NCKAP5: variants seen among roughly 807,000 people sequenced by gnomAD.
The protein encoded by NCKAP5 is nck-associated protein 5.
Under a neutral mutation model 167.0 loss-of-function variants are expected in NCKAP5, and 92 were observed. That is an observed-to-expected ratio of 0.55 (90% CI 0.47 to 0.66). NCKAP5 has a LOEUF of 0.66. NCKAP5 is among the 30% of genes least tolerant of loss of function. NCKAP5 has a pLI of 0.00. For synonymous variants in NCKAP5, 891 were observed against 877.4 expected (o/e 1.02, Z -0.27); for missense variants, 2,378 against 2,315.0 (o/e 1.03, Z -0.56).
At chr2:132,690,906 C>G (rs1686649767) in intron 19 of NCKAP5, among the ~76,000 whole-genome samples, 1 of 152,174 alleles carries the variant, frequency 6.6e-6, no homozygotes, top group Non-Finnish European at 1.5e-5. Context: ...TTCCATTGGA[C>G]AGTCCAGCTT....
chr2:133,520,444 T>C (rs1684379020), intron 2 of NCKAP5, among the ~76,000 whole-genome samples: 1 of 152,234 alleles, frequency 6.6e-6, no homozygotes, highest in African/African-American at 2.4e-5. Context: ...CACTGCTTAC[T>C]CTATATGACA....
At chr2:133,664,846 ATCT>A in the NCKAP5 span, among the ~76,000 whole-genome samples, 2 of 152,134 alleles carry the variant, frequency 1.3e-5, no homozygotes, top group Admixed American at 6.5e-5. Flanking sequence ...TCTTAGCTAG[ATCT>A]TCTAGATAAC....
At chr2:132,778,330 CA>C (rs1682727501) in intron 15 of NCKAP5, among the ~76,000 whole-genome samples, 1 of 142,910 alleles carries the variant, frequency 7.0e-6, no homozygotes, top group Non-Finnish European at 1.6e-5. Flanking sequence ...TTAATTCAGA[CA>C]AACATTAATA....
At chr2:132,792,615 T>C (rs1684159939) in intron 12 of NCKAP5, among the ~76,000 whole-genome samples, 1 of 152,196 alleles carries the variant, frequency 6.6e-6, no homozygotes, top group Non-Finnish European at 1.5e-5. Flanking sequence ...CAGATGTGTC[T>C]ACTCTACAGA....
At chr2:133,059,551 T>C (rs1376914806) in intron 6 of NCKAP5, among the ~76,000 whole-genome samples, 3 of 151,856 alleles carry the variant, frequency 2.0e-5, no homozygotes, top group African/African-American at 4.8e-5. Context: ...CACATGCCTG[T>C]GGTCCCAGCT....
chr2:132,732,684 A>G (rs1691144462), intron 16 of NCKAP5, among the ~76,000 whole-genome samples: 1 of 152,210 alleles, frequency 6.6e-6, no homozygotes, highest in African/African-American at 2.4e-5. Flanking sequence ...TACAACTTCA[A>G]CCAATTAGGT....
At chr2:133,517,939 C>T (rs1194681150) in intron 2 of NCKAP5, among the ~76,000 whole-genome samples, 2 of 152,322 alleles carry the variant, frequency 1.3e-5, no homozygotes, top group African/African-American at 4.8e-5. Flanking sequence ...CACATAGATG[C>T]TGTCTGCAAA....
At chr2:133,216,281 T>G (rs1473879437) in intron 4 of NCKAP5, among the ~76,000 whole-genome samples, 2 of 152,088 alleles carry the variant, frequency 1.3e-5, no homozygotes, top group Non-Finnish European at 2.9e-5. Context: ...TTTTTTTCTT[T>G]TCTTGGTAAA....
intron 6 of NCKAP5, among the ~76,000 whole-genome samples, chr2:133,109,810 A>G (rs1011537299): frequency 1.3e-5 from 2 of 152,180 alleles, no homozygotes; most frequent in Non-Finnish European, 2.9e-5. Flanking sequence ...ATTTCCACTC[A>G]AATACATTAG....
intron 19 of NCKAP5, among the ~76,000 whole-genome samples, chr2:132,715,182 C>T (rs890701612): frequency 6.6e-6 from 1 of 152,186 alleles, no homozygotes; most frequent in African/African-American, 2.4e-5. Flanking sequence ...GAAAAGACTG[C>T]ACCTTGCTTT....
chr2:133,151,108 T>A (rs2083370289), intron 5 of NCKAP5, among the ~76,000 whole-genome samples: 1 of 152,192 alleles, frequency 6.6e-6, no homozygotes, highest in African/African-American at 2.4e-5. Flanking sequence ...AGGTGCTGAC[T>A]CACAGGTGAA....
intron 3 of NCKAP5, among the ~76,000 whole-genome samples, chr2:133,452,054 G>C (rs1369233267): frequency 1.3e-5 from 2 of 152,140 alleles, no homozygotes; most frequent in African/African-American, 2.4e-5. Context: ...TCTAGCAAAT[G>C]AGTCCCCTGA....
At chr2:132,996,694 T>A (rs1306414883) in intron 6 of NCKAP5, among the ~76,000 whole-genome samples, 2 of 152,252 alleles carry the variant, frequency 1.3e-5, no homozygotes, top group Non-Finnish European at 2.9e-5. Context: ...GCCATATATT[T>A]CTAATGTATC....
At chr2:133,359,733 C>A (rs1327847103) in intron 3 of NCKAP5, among the ~76,000 whole-genome samples, 2 of 152,120 alleles carry the variant, frequency 1.3e-5, no homozygotes, top group African/African-American at 2.4e-5. Flanking sequence ...AGAAGAGACC[C>A]TGAAGAAGTT....
chr2:133,456,929 G>A (rs1252988601), intron 3 of NCKAP5, among the ~76,000 whole-genome samples: 4 of 152,114 alleles, frequency 2.6e-5, no homozygotes, highest in Admixed American at 6.5e-5. Flanking sequence ...CACGTCATAG[G>A]TGTAACAAGA....
chr2:133,523,500 A>T (rs529821983), intron 2 of NCKAP5, among the ~76,000 whole-genome samples: 1 of 152,266 alleles, frequency 6.6e-6, no homozygotes, highest in South Asian at 2.1e-4. Context: ...GCATTAGAAG[A>T]TTTGGTTCCT....
intron 6 of NCKAP5, among the ~76,000 whole-genome samples, chr2:133,016,604 T>A (rs1409933072): frequency 6.6e-6 from 1 of 152,264 alleles, no homozygotes; most frequent in East Asian, 1.9e-4. Context: ...CTGACGGCTA[T>A]CTAAAATGAA....
chr2:133,584,637 A>T, the NCKAP5 span, among the ~76,000 whole-genome samples: 2 of 151,900 alleles, frequency 1.3e-5, no homozygotes, highest in Non-Finnish European at 2.9e-5. Context: ...GGTGGCATAC[A>T]TCTGTAATCC....
At chr2:132,798,366 T>C (rs1388170684) in intron 11 of NCKAP5, among the ~76,000 whole-genome samples, 1 of 152,180 alleles carries the variant, frequency 6.6e-6, no homozygotes, top group African/African-American at 2.4e-5. Context: ...TACTCACCCA[T>C]ATGTAAGTTT....
Sources: allele counts gnomAD v4.1 joint callset (sites outside exome capture counted in the v4.1 genomes callset), GRCh38; gene constraint gnomAD v4.1.1; transcripts MANE v1.5; gene names NCBI Gene and HGNC (gene_info 2026-07-23, HGNC 2026-07-21).